The following RNF111 variants were observed in gnomAD, a reference collection of about 807,000 sequenced individuals.
RNF111 encodes the protein E3 ubiquitin-protein ligase Arkadia.
Under a neutral mutation model 95.1 loss-of-function variants are expected in RNF111, and 17 were observed. That is an observed-to-expected ratio of 0.18 (90% CI 0.12 to 0.27). The LOEUF (loss-of-function observed/expected upper bound fraction) is 0.27. Among genes scored for constraint, RNF111 ranks in the 10% least tolerant of loss-of-function variants. RNF111 has a pLI of 1.00. For missense variants in RNF111, 1,189 were observed against 1,210.4 expected (o/e 0.98, Z 0.26); for synonymous variants, 440 against 414.8 (o/e 1.06, Z -0.74).
chr15:59,076,962 A>AT (rs1220490107), intron 7 of RNF111, among the ~76,000 whole-genome samples: 1 of 152,068 alleles, frequency 6.6e-6, no homozygotes, highest in African/African-American at 2.4e-5. Flanking sequence ...ATCTTCTTGG[A>AT]TTTTTTCTTC....
At position 59,095,316 on chromosome 15, in the gene RNF111, T is replaced by A. The variant is rs1298301756; in HGVS notation, c.*416T>A. The A allele has an allele frequency of 5.6e-6, 1 of 178,076 alleles. No individual in the cohort carries two copies. Among genetic ancestry groups the A allele is most frequent in the Non-Finnish European group, 1.2e-5 (1 of 85,394 alleles). 11.0% of individuals were successfully genotyped at this position (178,076 alleles called of 1,614,324 possible). A position where few individuals can be genotyped will look rare whatever the true frequency, so the allele number is the denominator to read the frequency against. On this transcript the variant is annotated 3_prime_UTR_variant, in exon 14 of 14. Transcript: ENST00000348370. ...CATTACTAACCTTTAATTTAATCAA[T>A]CATGTACTTTAGTTTAATGTATAAA...
At chr15:59,051,278 C>T (rs901891846) in intron 2 of RNF111, among the ~76,000 whole-genome samples, 3 of 149,690 alleles carry the variant, frequency 2.0e-5, no homozygotes, top group Non-Finnish European at 4.4e-5. Context: ...ACAGTGAAAC[C>T]CCGTCTCTAC....
rs928200784 is a variant in RNF111 at position 59,095,865 on chromosome 15, C to T, written c.*965C>T. 4 of 395,928 alleles carry T rather than the reference C, an allele frequency of 1.0e-5. No individual in the cohort carries two copies. In the South Asian group the frequency reaches 5.7e-4, roughly 56 times the overall value. 24.5% of individuals were successfully genotyped at this position (395,928 alleles called of 1,614,324 possible). ...CAAGATTTGGAATTTAAGTCACTGG[C>T]AGGTATCTGTGCATTCATAGAACTT... On this transcript the variant is annotated 3_prime_UTR_variant, in exon 14 of 14. Coordinates refer to ENST00000348370, the MANE Select transcript of RNF111 (RefSeq NM_017610.8).
chr15:59,054,421 A>G (rs1225310207), intron 3 of RNF111, among the ~76,000 whole-genome samples: 1 of 152,132 alleles, frequency 6.6e-6, no homozygotes, highest in Non-Finnish European at 1.5e-5. Flanking sequence ...AAGTGGACCT[A>G]TAACTTCCTT....
intron 2 of RNF111, among the ~76,000 whole-genome samples, chr15:59,040,947 A>G (rs1172263952): frequency 2.6e-5 from 4 of 152,354 alleles, no homozygotes; most frequent in East Asian, 3.9e-4. Context: ...AAAACAAGAT[A>G]TACTCAGGTC....
At chr15:59,007,677 G>C (rs1021609170) in intron 1 of RNF111, among the ~76,000 whole-genome samples, 25 of 152,096 alleles carry the variant, frequency 1.6e-4, no homozygotes, top group African/African-American at 5.8e-4. Context: ...GTGTTTGGTG[G>C]TTTTGGTCTT....
chr15:59,060,459 A>C (rs1247281994), intron 5 of RNF111, among the ~76,000 whole-genome samples: 1 of 152,094 alleles, frequency 6.6e-6, no homozygotes, highest in Non-Finnish European at 1.5e-5. Flanking sequence ...AAAACAAAAC[A>C]AAACAAAAAA....
intron 5 of RNF111, among the ~76,000 whole-genome samples, chr15:59,059,478 C>G (rs112241669): frequency 2.0e-5 from 3 of 152,284 alleles, no homozygotes; most frequent in African/African-American, 7.2e-5. Flanking sequence ...AATAGAGTTA[C>G]CATTGGATGC....
chr15:59,038,582 C>T (rs1384983289), intron 2 of RNF111, among the ~76,000 whole-genome samples: 2 of 152,192 alleles, frequency 1.3e-5, no homozygotes, highest in African/African-American at 4.8e-5. Context: ...CATCATCTCG[C>T]TTCAGTTGTT....
chr15:59,084,444 A>T (rs529587381), intron 9 of RNF111, 190 bp downstream of exon 9: 3 of 429,558 alleles, frequency 7.0e-6, no homozygotes, highest in African/African-American at 6.1e-5. Context: ...GCAGGGAACC[A>T]TATCAAGCAG....
At chr15:59,093,337 C>CTTCT in intron 13 of RNF111, 1 of 272,050 alleles carries the variant, frequency 3.7e-6, no homozygotes, top group South Asian at 2.6e-5. Flanking sequence ...TTTACAGCAT[C>CTTCT]TTTTTTTTTT....
chr15:59,093,670 C>T (rs2079119981), intron 13 of RNF111, among the ~76,000 whole-genome samples: 1 of 151,404 alleles, frequency 6.6e-6, no homozygotes, highest in Non-Finnish European at 1.5e-5. Context: ...TGTTTTCTTC[C>T]TGTTCTTTTT....
At chr15:59,003,523 C>A (rs1319771396) in intron 1 of RNF111, among the ~76,000 whole-genome samples, 2 of 152,094 alleles carry the variant, frequency 1.3e-5, no homozygotes, top group East Asian at 3.9e-4. Context: ...CTCAGCCTCT[C>A]CAGTAGCTGG....
chr15:59,014,954 G>A (rs1461924384), intron 1 of RNF111, among the ~76,000 whole-genome samples: 5 of 152,088 alleles, frequency 3.3e-5, no homozygotes, highest in Non-Finnish European at 7.4e-5. Flanking sequence ...GTTTCACCAT[G>A]TTGTCCAGGC....
rs188223395 is a variant in RNF111, at chr15:58,992,788, C to G, written c.-20+4720C>G. On this transcript the variant is annotated intron_variant, in intron 1 of 13. Coordinates refer to ENST00000348370, the MANE Select transcript of RNF111 (RefSeq NM_017610.8). ...TGAGCCGAGATTGTGCCACTGCATT[C>G]CAGCCTCGGTGACAAAGCCAGACCC... 2.0e-5 allele frequency among the ~76,000 whole-genome samples: 3 copies of G among 151,298 alleles called. No homozygotes were observed. The East Asian group carries it at 5.9e-4, about 30-fold the overall frequency.
At chr15:59,023,304 A>G (rs1284877917) in intron 1 of RNF111, among the ~76,000 whole-genome samples, 1 of 152,108 alleles carries the variant, frequency 6.6e-6, no homozygotes, top group Non-Finnish European at 1.5e-5. Context: ...TTATAACTGA[A>G]TTTGCTATTA....
chr15:59,068,169 G>A (rs1426466687), intron 6 of RNF111, among the ~76,000 whole-genome samples: 1 of 151,872 alleles, frequency 6.6e-6, no homozygotes, highest in Non-Finnish European at 1.5e-5. Context: ...GCAGTGAGCT[G>A]AGATCACGCC....
intron 2 of RNF111, among the ~76,000 whole-genome samples, chr15:59,044,043 G>A (rs1975534): frequency 0.29 from 44,661 of 151,686 alleles, 6,677 homozygotes; most frequent in East Asian, 0.41. Context: ...TTTTTCTGGT[G>A]GGGGGAGACA....
intron 1 of RNF111, among the ~76,000 whole-genome samples, chr15:59,007,267 A>AT (rs796816598): frequency 0.027 from 3,833 of 143,470 alleles, 139 homozygotes; most frequent in African/African-American, 0.082. Flanking sequence ...CCAATGTTCA[A>AT]TTTTTTTTTT....
Sources: gnomAD v4.1 joint callset for allele counts (sites outside exome capture counted in the v4.1 genomes callset) on GRCh38, gnomAD v4.1.1 for gene constraint, MANE v1.5 for transcripts, NCBI Gene and HGNC (gene_info 2026-07-23, HGNC 2026-07-21) for gene names.